Variants in ERC2 observed in about 807,000 individuals in gnomAD.
ERC2 encodes the protein ERC protein 2.
Under a neutral mutation model 114.8 loss-of-function variants are expected in ERC2, and 42 were observed. The observed-to-expected ratio is 0.37, with a 90% CI of 0.29 to 0.47. ERC2 has a LOEUF of 0.47. Ranked by LOEUF, ERC2 falls within the 20% of genes least tolerant of loss-of-function variation. The pLI is 0.99. For missense variants in ERC2, 939 were observed against 1,150.7 expected, an observed-to-expected ratio of 0.82 and a Z score of 2.66; for synonymous variants, 454 against 425.5, an observed-to-expected ratio of 1.07 and a Z score of -0.82.
intron 14 of ERC2, among the ~76,000 whole-genome samples, chr3:55,828,262 T>C (rs1023080402): frequency 6.6e-6 from 1 of 151,980 alleles, no homozygotes; most frequent in African/African-American, 2.4e-5. Flanking sequence ...CCGGACAAAA[T>C]ACAAACGCAA....
intron 3 of ERC2, among the ~76,000 whole-genome samples, chr3:56,257,164 C>T (rs181593232): frequency 6.6e-6 from 1 of 152,224 alleles, no homozygotes; most frequent in East Asian, 1.9e-4. Flanking sequence ...TCTAGGTTTT[C>T]GATTCCAGGT....
At chr3:55,557,417 C>T (rs760022899) in intron 17 of ERC2, among the ~76,000 whole-genome samples, 3 of 152,214 alleles carry the variant, frequency 2.0e-5, no homozygotes, top group Non-Finnish European at 1.5e-5. Flanking sequence ...TGTCTCTATA[C>T]TGCAGCCATA....
At chr3:56,045,215 C>A (rs998423662) in intron 7 of ERC2, among the ~76,000 whole-genome samples, 3 of 152,040 alleles carry the variant, frequency 2.0e-5, no homozygotes, top group Non-Finnish European at 4.4e-5. Flanking sequence ...TAAAAGAGGG[C>A]GGTTAACATG....
intron 12 of ERC2, among the ~76,000 whole-genome samples, chr3:55,984,126 C>T (rs536221779): frequency 6.6e-6 from 1 of 152,016 alleles, no homozygotes; most frequent in Non-Finnish European, 1.5e-5. Context: ...ATGATATGAA[C>T]CTTGATGTAA....
intron 2 of ERC2, among the ~76,000 whole-genome samples, chr3:56,377,911 C>A (rs867802963): frequency 2.0e-5 from 3 of 151,908 alleles, no homozygotes; most frequent in African/African-American, 7.3e-5. Context: ...TCCAACCTAG[C>A]AAGCAATATT....
At chr3:55,675,457 T>C (rs1426795683) in intron 17 of ERC2, among the ~76,000 whole-genome samples, 3 of 152,188 alleles carry the variant, frequency 2.0e-5, no homozygotes, top group Non-Finnish European at 4.4e-5. Flanking sequence ...GATGCTCCAA[T>C]AGCAGAAAGG....
At chr3:55,590,922 G>A (rs1016624434) in intron 17 of ERC2, among the ~76,000 whole-genome samples, 6 of 152,172 alleles carry the variant, frequency 3.9e-5, no homozygotes, top group South Asian at 4.2e-4. Context: ...TCTGCCTCCC[G>A]GGTTCAAGCG....
At chr3:55,577,734 T>G (rs1405539067) in intron 17 of ERC2, among the ~76,000 whole-genome samples, 1 of 152,140 alleles carries the variant, frequency 6.6e-6, no homozygotes. Flanking sequence ...CCACAGGTTC[T>G]TCATTAAGAG....
At chr3:55,633,189 C>A (rs2059825319) in intron 17 of ERC2, among the ~76,000 whole-genome samples, 1 of 152,168 alleles carries the variant, frequency 6.6e-6, no homozygotes, top group Non-Finnish European at 1.5e-5. Flanking sequence ...TGCAAGAAAG[C>A]ACCCAGATAA....
intron 17 of ERC2, among the ~76,000 whole-genome samples, chr3:55,612,209 T>TAC (rs759851572): frequency 3.9e-5 from 6 of 152,368 alleles, no homozygotes; most frequent in Non-Finnish European, 7.3e-5. Context: ...TGATCGAGTC[T>TAC]ACACACTGGC....
chr3:56,162,433 C>T (rs1219543723), intron 4 of ERC2, among the ~76,000 whole-genome samples: 1 of 152,018 alleles, frequency 6.6e-6, no homozygotes, highest in Non-Finnish European at 1.5e-5. Context: ...TGCCTTTTTG[C>T]TATAGTTCCA....
At chr3:56,054,766 A>G (rs912708141) in intron 7 of ERC2, among the ~76,000 whole-genome samples, 3 of 152,226 alleles carry the variant, frequency 2.0e-5, no homozygotes, top group Non-Finnish European at 4.4e-5. Flanking sequence ...AGGCATTTAC[A>G]ATCAAGTTGC....
intron 3 of ERC2, among the ~76,000 whole-genome samples, chr3:56,268,988 A>G (rs2053493883): frequency 6.6e-6 from 1 of 152,198 alleles, no homozygotes; most frequent in South Asian, 2.1e-4. Flanking sequence ...TTCTAGTAAC[A>G]ATCAGCTAGG....
chr3:55,618,534 G>A (rs1237292347), intron 17 of ERC2, among the ~76,000 whole-genome samples: 1 of 152,086 alleles, frequency 6.6e-6, no homozygotes, highest in African/African-American at 2.4e-5. Flanking sequence ...GATTCCATAG[G>A]TGTATATTTA....
intron 14 of ERC2, among the ~76,000 whole-genome samples, chr3:55,801,379 G>A (rs1169437920): frequency 6.6e-6 from 1 of 152,172 alleles, no homozygotes; most frequent in Non-Finnish European, 1.5e-5. Flanking sequence ...CTGGTAACCA[G>A]GGAGAAAGAG....
intron 17 of ERC2, among the ~76,000 whole-genome samples, chr3:55,529,828 G>A (rs1430820046): frequency 6.6e-6 from 1 of 152,192 alleles, no homozygotes; most frequent in Non-Finnish European, 1.5e-5. Flanking sequence ...AGACACAGGA[G>A]AAGTAATATG....
At chr3:55,926,396 GT>G (rs1240787364) in intron 13 of ERC2, among the ~76,000 whole-genome samples, 1 of 66,812 alleles carries the variant, frequency 1.5e-5, no homozygotes, top group African/African-American at 5.9e-5. Context: ...AACAGAGCTT[GT>G]TTTTTGTTTT....
At chr3:55,676,049 T>TAGC (rs1200573991) in intron 17 of ERC2, among the ~76,000 whole-genome samples, 4 of 151,528 alleles carry the variant, frequency 2.6e-5, no homozygotes, top group Non-Finnish European at 5.9e-5. Context: ...GCTTCCCAGG[T>TAGC]AGCTGGGAAT....
intron 17 of ERC2, among the ~76,000 whole-genome samples, chr3:55,573,460 A>G (rs1394197262): frequency 2.0e-5 from 3 of 152,174 alleles, no homozygotes; most frequent in Non-Finnish European, 4.4e-5. Context: ...TGTGAAGAGC[A>G]ACAGATGCGA....
Sources: gnomAD v4.1 joint callset for allele counts (sites outside exome capture counted in the v4.1 genomes callset) on GRCh38, gnomAD v4.1.1 for gene constraint, MANE v1.5 for transcripts, NCBI Gene and HGNC (gene_info 2026-07-23, HGNC 2026-07-21) for gene names.